Variants in TADA2B observed in about 807,000 individuals in gnomAD.
The protein encoded by TADA2B is transcriptional adaptor 2B.
A neutral mutation model predicts 34.5 loss-of-function variants in TADA2B; 13 were observed. That is an observed-to-expected ratio of 0.38 (90% CI 0.25 to 0.60). TADA2B has a LOEUF of 0.60. Among genes scored for constraint, TADA2B ranks in the 20% least tolerant of loss-of-function variants. The probability of loss-of-function intolerance (pLI) is 0.65; values close to 1 mark genes in which losing one functional copy is unlikely to be tolerated. For synonymous variants in TADA2B, 240 were observed against 243.4 expected, an observed-to-expected ratio of 0.99 and a Z score of 0.13; for missense variants, 442 against 575.0, an observed-to-expected ratio of 0.77 and a Z score of 2.37.
chr4:7,043,537 G>A lies in TADA2B; in HGVS notation c.-43G>A. ...GCGGGGCGCTGACGGCCGGGGGCGC[G>A]GCGGCTGCGGCGGGCCGGGCGGCGG... On this transcript the variant is annotated 5_prime_UTR_variant, in exon 1 of 2. Transcript: ENST00000310074. 3.5e-6 allele frequency: 4 copies of A among 1,132,818 alleles called. No individual in the cohort carries two copies. In the South Asian group the frequency reaches 1.7e-4, roughly 48 times the overall value. 70.2% of individuals were successfully genotyped at this position (1,132,818 alleles called of 1,614,324 possible). A position where few individuals can be genotyped will look rare whatever the true frequency, so the allele number is the denominator to read the frequency against.
rs558310726 is a variant in TADA2B, at chr4:7,057,404, T to C, written c.*2350T>C. ...CCATCGACTATTCCCGTCACGGTAG[T>C]CCTTACCTCTGTCGGCAGCTCAGAG... On this transcript the variant is annotated 3_prime_UTR_variant, in exon 2 of 2. Transcript: ENST00000310074. The C allele has an allele frequency of 6.6e-6, 1 of 152,240 alleles. No homozygotes were observed. The highest frequency in any genetic ancestry group is 1.5e-5 in the Non-Finnish European group (1 of 68,038). 9.4% of individuals were successfully genotyped at this position (152,240 alleles called of 1,614,324 possible). A position where few individuals can be genotyped will look rare whatever the true frequency, so the allele number is the denominator to read the frequency against.
At chr4:7,045,221 GC>G (rs1454180309) in intron 1 of TADA2B, 4 of 152,540 alleles carry the variant, frequency 2.6e-5, no homozygotes, top group African/African-American at 9.7e-5. Context: ...CGCCTCCCTG[GC>G]CTACCTGCCT....
At chr4:7,052,056 G>A (rs955343162) in intron 1 of TADA2B, among the ~76,000 whole-genome samples, 5 of 152,224 alleles carry the variant, frequency 3.3e-5, no homozygotes, top group Admixed American at 6.5e-5. Context: ...CCTCTGGGAC[G>A]AGGGGGACAC....
rs1358046463 is a variant in TADA2B at position 7,056,097 on chromosome 4, A to G, written c.*1043A>G. The G allele has an allele frequency of 6.6e-6, 1 of 152,612 alleles. No homozygotes were observed. Among genetic ancestry groups the G allele is most frequent in the African/African-American group, 2.4e-5 (1 of 41,434 alleles). The allele number at this position is 152,612 out of a possible 1,614,324, so 9.5% of individuals were successfully genotyped here. A position where few individuals can be genotyped will look rare whatever the true frequency, so the allele number is the denominator to read the frequency against. ...GTAAGAGTGTCGCCAGGCCCGCGCC[A>G]GCTGAGGCCTCAGACTAGCCAGGCA... On this transcript the variant is annotated 3_prime_UTR_variant, in exon 2 of 2. Coordinates refer to ENST00000310074, the MANE Select transcript of TADA2B (RefSeq NM_152293.3).
Position 7,043,620 on chromosome 4 carries a change from C to T in TADA2B, c.41C>T (p.Ala14Val), listed in dbSNP as rs577771038. The change falls in exon 1 of 2, where the codon GCC (alanine) becomes GTC (valine). Residue 14 changes from alanine (A) to valine (V), a missense_variant. Coordinates refer to ENST00000310074, the MANE Select transcript of TADA2B (RefSeq NM_152293.3). ...AAGAAGTACTGCGTGTACTGCCTGG[C>T]CGAGGTGAGCCCGCTGCGCTTCCGC... ...LGKKYCVYCL[A>V]EVSPLRFRCT... is the part of the protein sequence containing the mutation. 4.0e-6 allele frequency: 6 copies of T among 1,493,660 alleles called. No homozygotes were observed. In the African/African-American group the frequency reaches 5.8e-5, roughly 14 times the overall value. The allele number at this position is 1,493,660 out of a possible 1,614,324, so 92.5% of individuals were successfully genotyped here.
chr4:7,047,654 T>G (rs1577215284), intron 1 of TADA2B, among the ~76,000 whole-genome samples: 1 of 152,246 alleles, frequency 6.6e-6, no homozygotes, highest in Non-Finnish European at 1.5e-5. Flanking sequence ...AGGTGCCGTG[T>G]GGGCAAGTGG....
chr4:7,047,853 C>T (rs950694907), intron 1 of TADA2B, among the ~76,000 whole-genome samples: 1 of 152,218 alleles, frequency 6.6e-6, no homozygotes, highest in Non-Finnish European at 1.5e-5. Context: ...CTGGCTCAGG[C>T]TCTGTGATCA....
Position 7,043,839 on chromosome 4 carries a change from T to A in TADA2B, c.260T>A (p.Phe87Tyr), listed in dbSNP as rs765985323. Residue 87 changes from phenylalanine to tyrosine, a missense_variant, in exon 1 of 2, where the codon TTC (phenylalanine) becomes TAC (tyrosine). Around this residue, in one of 4 missense-constraint regions of TADA2B, gnomAD observed 102 missense variants for 177.2 expected, o/e 0.58. Coordinates refer to ENST00000310074, the MANE Select transcript of TADA2B (RefSeq NM_152293.3). ...CTGGACGCCATCGAGCAGTTCGGCTTCGGAAACTGGGTGAGCGGCGCGACG... is the reference window on the plus strand; with the variant it reads ...CTGGACGCCATCGAGCAGTTCGGCTACGGAAACTGGGTGAGCGGCGCGACG... Reference protein sequence around the residue: ...LLLDAIEQFGFGNWEDMAAHV... With the variant: ...LLLDAIEQFGYGNWEDMAAHV... 1 of 1,471,972 alleles carries A rather than the reference T, an allele frequency of 6.8e-7. No homozygotes were observed. Among genetic ancestry groups the A allele is most frequent in the Admixed American group, 2.1e-5 (1 of 46,844 alleles). 91.2% of individuals were successfully genotyped at this position (1,471,972 alleles called of 1,614,324 possible).
At position 7,054,339 on chromosome 4, in the gene TADA2B, C is replaced by T. The variant is rs373612143; in HGVS notation, c.548C>T (p.Thr183Met). ...ATCGAGTATGACCAGGATGCCGAGA[C>T]GCTCATCAGCGGGCTCTCTGTCAAC... is the stretch of plus-strand genomic sequence containing the variant. The part of the protein sequence containing the change: ...YEIEYDQDAE[T>M]LISGLSVNYD... The change falls in exon 2 of 2, where the codon ACG becomes ATG. Residue 183 changes from threonine (T) to methionine (M), a missense_variant. Physicochemically the swap from Thr to Met is moderately conservative, Grantham distance 81. Transcript: ENST00000310074. The T allele has an allele frequency of 6.2e-7, 1 of 1,613,440 alleles. No homozygotes were observed. The highest frequency in any genetic ancestry group is 8.5e-7 in the Non-Finnish European group (1 of 1,179,892).
In TADA2B at chr4:7,055,030, C is replaced by G. The variant is rs753786244; in HGVS notation, c.1239C>G (p.Gly413=). The G allele has an allele frequency of 3.1e-6, 5 of 1,611,284 alleles. No homozygotes were observed. Among genetic ancestry groups the G allele is most frequent in the Non-Finnish European group, 2.5e-6 (3 of 1,179,248 alleles). ...TTTTGAATTTCCTCACAGAAAGCGG[C>G]TGGATCTCCAGGGACGCGTCTTGAA... ...KRILNFLTES[G]WISRDAS The change falls in exon 2 of 2, where the codon GGC becomes GGG. Residue 413 remains glycine (G), a synonymous_variant. Transcript: ENST00000310074.
Position 7,055,084 on chromosome 4 carries a change from G to T in TADA2B, c.*30G>T, listed in dbSNP as rs776116856. ...GAGACGCTTTGAAAGCCAGGGTGAT[G>T]CTCAGACAGTGTGCCAGCCAAAATG... On this transcript the variant is annotated 3_prime_UTR_variant, in exon 2 of 2. Coordinates refer to ENST00000310074, the MANE Select transcript of TADA2B (RefSeq NM_152293.3). 10 of 1,565,414 alleles carry T rather than the reference G, an allele frequency of 6.4e-6. 1 individual carries two copies. In the South Asian group the frequency reaches 1.2e-4, roughly 19 times the overall value.
In TADA2B at chr4:7,043,638, G is replaced by C; in HGVS notation, c.59G>C (p.Arg20Pro). Residue 20 changes from arginine to proline, a missense_variant, in exon 1 of 2, where the codon CGC (arginine) becomes CCC (proline). Arg to Pro is a moderately radical substitution (Grantham distance 103). This residue lies in a region of TADA2B where 102 missense variants were observed against 177.2 expected (regional missense o/e 0.58). Coordinates refer to ENST00000310074, the MANE Select transcript of TADA2B (RefSeq NM_152293.3). ...TGCCTGGCCGAGGTGAGCCCGCTGCGCTTCCGCTGCACCGAGTGCCAGGAC... is the reference window on the plus strand; with the variant it reads ...TGCCTGGCCGAGGTGAGCCCGCTGCCCTTCCGCTGCACCGAGTGCCAGGAC... ...VYCLAEVSPLRFRCTECQDIE... is the reference protein window; with the variant it reads ...VYCLAEVSPLPFRCTECQDIE... 6.6e-7 allele frequency: 1 copy of C among 1,524,722 alleles called. No homozygotes were observed. Among genetic ancestry groups the C allele is most frequent in the Middle Eastern group, 1.8e-4 (1 of 5,624 alleles). The allele number at this position is 1,524,722 out of a possible 1,614,324, so 94.4% of individuals were successfully genotyped here.
rs752972123 is a variant in TADA2B, at chr4:7,054,583, G to A, written c.792G>A (p.Gln264=). 4 of 1,613,942 alleles carry A rather than the reference G, an allele frequency of 2.5e-6. No individual in the cohort carries two copies. The South Asian group carries it at 3.3e-5, about 13-fold the overall frequency. ...ELRLKLRPLY[Q]FMSCKEFDDL... is the part of the protein sequence containing the mutation. ...GCCTGAAGCTGAGGCCGCTGTACCA[G>A]TTCATGTCATGCAAGGAGTTTGATG... The change falls in exon 2 of 2, where the codon CAG becomes CAA. Residue 264 remains glutamine, a synonymous_variant. Transcript: ENST00000310074.
chr4:7,057,197 A>G lies in TADA2B; in HGVS notation c.*2143A>G, dbSNP rs1296510914. The G allele has an allele frequency of 1.3e-5, 2 of 152,260 alleles. No homozygotes were observed. Among genetic ancestry groups the G allele is most frequent in the Admixed American group, 6.5e-5 (1 of 15,292 alleles). 9.4% of individuals were successfully genotyped at this position (152,260 alleles called of 1,614,324 possible). A position where few individuals can be genotyped will look rare whatever the true frequency, so the allele number is the denominator to read the frequency against. ...GTTAATGTGTATGGCCCAGGCCAAG[A>G]GCTGTCAAATGAAAAACTTTGTGCT... On this transcript the variant is annotated 3_prime_UTR_variant, in exon 2 of 2. Coordinates refer to ENST00000310074, the MANE Select transcript of TADA2B (RefSeq NM_152293.3).
rs780185112 is a variant in TADA2B, at chr4:7,057,121, A to G, written c.*2067A>G. On this transcript the variant is annotated 3_prime_UTR_variant, in exon 2 of 2. Coordinates refer to ENST00000310074, the MANE Select transcript of TADA2B (RefSeq NM_152293.3). The stretch of plus-strand genomic sequence containing the variant: ...TTTAAATTTAATCTTATTTTTATAT[A>G]AAATGATTGCCAGACGTACTATATT... 2.0e-5 allele frequency: 3 copies of G among 152,234 alleles called. No individual in the cohort carries two copies. Among genetic ancestry groups the G allele is most frequent in the Non-Finnish European group, 4.4e-5 (3 of 68,048 alleles). The allele number at this position is 152,234 out of a possible 1,614,324, so 9.4% of individuals were successfully genotyped here. A position where few individuals can be genotyped will look rare whatever the true frequency, so the allele number is the denominator to read the frequency against.
rs1212650752 is a variant in TADA2B at position 7,057,239 on chromosome 4, A to G, written c.*2185A>G. ...CTTTGTGCTGAAGCAGGTTTTTAGT[A>G]TGTATATCTTTTTGATGGTATGAAG... On this transcript the variant is annotated 3_prime_UTR_variant, in exon 2 of 2. Transcript: ENST00000310074. The G allele has an allele frequency of 6.6e-6, 1 of 152,256 alleles. No individual in the cohort carries two copies. Among genetic ancestry groups the G allele is most frequent in the Admixed American group, 6.5e-5 (1 of 15,286 alleles). 9.4% of individuals were successfully genotyped at this position (152,256 alleles called of 1,614,324 possible). A position where few individuals can be genotyped will look rare whatever the true frequency, so the allele number is the denominator to read the frequency against.
chr4:7,044,573 T>C (rs1384093137), intron 1 of TADA2B, among the ~76,000 whole-genome samples: 1 of 152,202 alleles, frequency 6.6e-6, no homozygotes, highest in Non-Finnish European at 1.5e-5. Flanking sequence ...TGCTAGGTTC[T>C]GTCCTTGAGA....
At position 7,043,686 on chromosome 4, in the gene TADA2B, T is replaced by A. The variant is rs1723543254; in HGVS notation, c.107T>A (p.Phe36Tyr). ...GACATCGAGCTGTGCCCCGAGTGCT[T>A]CTCGGCCGGCGCCGAGATCGGCCAC... ...CQDIELCPEC[F>Y]SAGAEIGHHR... The change falls in exon 1 of 2, where the codon TTC becomes TAC. Residue 36 changes from phenylalanine to tyrosine, a missense_variant. This residue lies in a region of TADA2B where 102 missense variants were observed against 177.2 expected (regional missense o/e 0.58). Coordinates refer to ENST00000310074, the MANE Select transcript of TADA2B (RefSeq NM_152293.3). The A allele has an allele frequency of 6.3e-7, 1 of 1,586,636 alleles. No individual in the cohort carries two copies. The highest frequency in any genetic ancestry group is 8.5e-7 in the Non-Finnish European group (1 of 1,170,128).
At chr4:7,049,333 C>G (rs1296502893) in intron 1 of TADA2B, among the ~76,000 whole-genome samples, 1 of 152,210 alleles carries the variant, frequency 6.6e-6, no homozygotes, top group African/African-American at 2.4e-5. Flanking sequence ...CCCGCCTCAG[C>G]CCCCGAAAGT....
Sources: gnomAD v4.1 joint callset for allele counts (sites outside exome capture counted in the v4.1 genomes callset) on GRCh38, gnomAD v4.1.1 for gene constraint, gnomAD v4.1.1 regional missense constraint, MANE v1.5 for transcripts, NCBI Gene and HGNC (gene_info 2026-07-23, HGNC 2026-07-21) for gene names.